NDFIP2: variants seen among roughly 807,000 people sequenced by gnomAD.
NDFIP2 encodes the protein Nedd4 family interacting protein 2.
Under a neutral mutation model 36.0 loss-of-function variants are expected in NDFIP2, and 19 were observed. The ratio of observed to expected loss-of-function variants is 0.53; its 90% CI spans 0.37 to 0.77. The LOEUF is 0.77. NDFIP2 is among the 30% of genes least tolerant of loss of function. The pLI, the probability that NDFIP2 is intolerant of heterozygous loss-of-function variation, is 0.00. For synonymous variants in NDFIP2, 181 were observed against 167.7 expected, an observed-to-expected ratio of 1.08 and a Z score of -0.61; for missense variants, 446 against 435.8, an observed-to-expected ratio of 1.02 and a Z score of -0.21.
chr13:79,526,948 C>T (rs1874820070), intron 2 of NDFIP2, among the ~76,000 whole-genome samples: 1 of 152,148 alleles, frequency 6.6e-6, no homozygotes, highest in Non-Finnish European at 1.5e-5. Context: ...CATAGCTTCT[C>T]AGTGGTAAAG....
At chr13:79,508,958 A>T (rs968587592) in intron 1 of NDFIP2, among the ~76,000 whole-genome samples, 4 of 151,990 alleles carry the variant, frequency 2.6e-5, no homozygotes, top group Non-Finnish European at 4.4e-5. Context: ...GAAATATTTT[A>T]TTTGTATTGA....
At chr13:79,511,828 A>G (rs1002384892) in intron 1 of NDFIP2, among the ~76,000 whole-genome samples, 3 of 152,228 alleles carry the variant, frequency 2.0e-5, no homozygotes, top group African/African-American at 7.2e-5. Flanking sequence ...AGAGATTGCG[A>G]GGTGTCCCTA....
At chr13:79,522,445 G>A (rs184880647) in intron 2 of NDFIP2, among the ~76,000 whole-genome samples, 108 of 152,250 alleles carry the variant, frequency 7.1e-4, no homozygotes, top group African/African-American at 2.5e-3. Flanking sequence ...TTTTAAGAGT[G>A]CAATTGTGAT....
chr13:79,535,436 T>G (rs1875197750), intron 3 of NDFIP2, among the ~76,000 whole-genome samples: 1 of 152,174 alleles, frequency 6.6e-6, no homozygotes, highest in African/African-American at 2.4e-5. Context: ...TTGTCATCAT[T>G]TCCAGCACCC....
At chr13:79,486,249 A>G (rs1872982325) in intron 1 of NDFIP2, among the ~76,000 whole-genome samples, 1 of 152,158 alleles carries the variant, frequency 6.6e-6, no homozygotes, top group African/African-American at 2.4e-5. Flanking sequence ...TTGCTCAAAA[A>G]CCTTCAGTGG....
At chr13:79,514,869 G>C (rs186406846) in intron 1 of NDFIP2, among the ~76,000 whole-genome samples, 9 of 152,032 alleles carry the variant, frequency 5.9e-5, no homozygotes, top group African/African-American at 2.2e-4. Flanking sequence ...TGCATTCTTC[G>C]AAGTTGTTTG....
rs1239607773 is a variant in NDFIP2 at position 79,533,451 on chromosome 13, C to G, written c.616C>G (p.Gln206Glu). 1.1e-5 allele frequency: 17 copies of G among 1,590,086 alleles called. No individual in the cohort carries two copies. Among genetic ancestry groups the G allele is most frequent in the Non-Finnish European group, 1.4e-5 (17 of 1,173,088 alleles). The change falls in exon 3 of 8, where the codon CAA becomes GAA. Residue 206 changes from glutamine to glutamate, a missense_variant. Coordinates refer to ENST00000218652, the MANE Select transcript of NDFIP2 (RefSeq NM_019080.3). ...AMAAAAAETS[Q>E]RIQEEECPPR... is the part of the protein sequence containing the mutation. ...GGCAGCTGCAGCAGCAGAAACATCT[C>G]AAAGAGTAAGAAAATTTCATCATTT...
At chr13:79,489,510 C>T (rs1873144081) in intron 1 of NDFIP2, among the ~76,000 whole-genome samples, 1 of 152,158 alleles carries the variant, frequency 6.6e-6, no homozygotes, top group African/African-American at 2.4e-5. Context: ...GAAACTTGCA[C>T]ATACATGGAG....
At chr13:79,533,770 C>CT (rs1401836006) in intron 3 of NDFIP2, among the ~76,000 whole-genome samples, 3 of 150,622 alleles carry the variant, frequency 2.0e-5, no homozygotes, top group Admixed American at 2.0e-4. Flanking sequence ...GTATTATCGA[C>CT]TGTTTATGTT....
intron 2 of NDFIP2, among the ~76,000 whole-genome samples, chr13:79,524,808 T>C (rs910593159): frequency 1.3e-5 from 2 of 152,234 alleles, no homozygotes; most frequent in African/African-American, 4.8e-5. Context: ...TTCTTCACTT[T>C]GTACACTATG....
At chr13:79,494,908 G>T (rs1027169118) in intron 1 of NDFIP2, among the ~76,000 whole-genome samples, 3 of 151,704 alleles carry the variant, frequency 2.0e-5, no homozygotes, top group African/African-American at 7.3e-5. Context: ...TAGTCTAGTT[G>T]TGATTTTCTG....
At chr13:79,520,563 T>A (rs1241349308) in intron 1 of NDFIP2, among the ~76,000 whole-genome samples, 1 of 152,216 alleles carries the variant, frequency 6.6e-6, no homozygotes, top group Non-Finnish European at 1.5e-5. Context: ...TCTTTGTAAA[T>A]TCTTAATTTG....
intron 1 of NDFIP2, among the ~76,000 whole-genome samples, chr13:79,512,058 T>C (rs1262490284): frequency 6.6e-6 from 1 of 152,238 alleles, no homozygotes; most frequent in Non-Finnish European, 1.5e-5. Context: ...CATATATTCT[T>C]TGCACAATTT....
intron 1 of NDFIP2, among the ~76,000 whole-genome samples, chr13:79,488,980 C>T (rs1873123318): frequency 6.6e-6 from 1 of 152,160 alleles, no homozygotes; most frequent in African/African-American, 2.4e-5. Context: ...ATGTCATTAT[C>T]CTCAATTTGC....
At chr13:79,498,035 G>A (rs1015356707) in intron 1 of NDFIP2, among the ~76,000 whole-genome samples, 3 of 151,834 alleles carry the variant, frequency 2.0e-5, no homozygotes, top group Admixed American at 1.3e-4. Flanking sequence ...GTGTGTATGC[G>A]TGTGTTTGAG....
chr13:79,521,894 G>T (rs557060229), intron 2 of NDFIP2, among the ~76,000 whole-genome samples: 62 of 145,366 alleles, frequency 4.3e-4, no homozygotes, highest in Non-Finnish European at 6.3e-4. Context: ...GCCCAATCTC[G>T]GCTCACTGCA....
chr13:79,532,023 G>A (rs914532639), intron 2 of NDFIP2, among the ~76,000 whole-genome samples: 5 of 152,178 alleles, frequency 3.3e-5, no homozygotes, highest in African/African-American at 9.7e-5. Context: ...GACAAAACAC[G>A]TACAGTGTTT....
chr13:79,493,467 A>G (rs553237226), intron 1 of NDFIP2, among the ~76,000 whole-genome samples: 1 of 152,342 alleles, frequency 6.6e-6, no homozygotes, highest in South Asian at 2.1e-4. Flanking sequence ...TTTGCAAGAT[A>G]GTAACCATGG....
intron 1 of NDFIP2, among the ~76,000 whole-genome samples, chr13:79,503,239 A>G (rs758780588): frequency 1.1e-4 from 16 of 152,136 alleles, no homozygotes; most frequent in Non-Finnish European, 2.1e-4. Flanking sequence ...GTGAACTCTT[A>G]TGGCCTTGTT....
Sources: allele counts gnomAD v4.1 joint callset (sites outside exome capture counted in the v4.1 genomes callset), GRCh38; gene constraint gnomAD v4.1.1; transcripts MANE v1.5; gene names NCBI Gene and HGNC (gene_info 2026-07-23, HGNC 2026-07-21).